Variants in CBX1 observed in about 807,000 individuals in gnomAD.
The protein encoded by CBX1 is chromobox 1.
In CBX1, 10 loss-of-function variants were observed where a neutral mutation model predicts 25.1. The observed-to-expected ratio is 0.40, with a 90% CI of 0.25 to 0.68. CBX1 has a LOEUF of 0.68. CBX1 is among the 30% of genes least tolerant of loss of function. The pLI, the probability that CBX1 is intolerant of heterozygous loss-of-function variation, is 0.40. For missense variants in CBX1, 106 were observed against 218.5 expected (o/e 0.49, Z 3.25); for synonymous variants, 63 against 79.4 (o/e 0.79, Z 1.10).
chr17:48,092,931 G>T (rs931828036), intron 1 of CBX1, among the ~76,000 whole-genome samples: 5 of 152,036 alleles, frequency 3.3e-5, no homozygotes, highest in African/African-American at 9.6e-5. Flanking sequence ...TGAGCCGGAC[G>T]TGGTGGCGCA....
At chr17:48,075,471 G>GT (rs1307832065) in intron 3 of CBX1, among the ~76,000 whole-genome samples, 1 of 152,178 alleles carries the variant, frequency 6.6e-6, no homozygotes. Flanking sequence ...GGGATTACAG[G>GT]TGTGAGCCAC....
intron 1 of CBX1, among the ~76,000 whole-genome samples, chr17:48,096,805 A>G (rs1297676083): frequency 1.3e-5 from 2 of 151,878 alleles, no homozygotes; most frequent in African/African-American, 4.8e-5. Flanking sequence ...AAAAACCACC[A>G]CAGTGGGCCA....
chr17:48,075,444 C>T (rs750614453), intron 3 of CBX1, among the ~76,000 whole-genome samples: 17 of 152,156 alleles, frequency 1.1e-4, no homozygotes, highest in Non-Finnish European at 2.4e-4. Context: ...CCGCCCGCCT[C>T]GGCCTCCCAA....
intron 1 of CBX1, among the ~76,000 whole-genome samples, chr17:48,078,545 A>G (rs1598305596): frequency 6.6e-6 from 1 of 151,694 alleles, no homozygotes; most frequent in African/African-American, 2.4e-5. Flanking sequence ...GCTGGAGTGC[A>G]ATGGTGTGAT....
intron 1 of CBX1, chr17:48,096,312 A>C: frequency 1.0e-6 from 1 of 983,016 alleles, no homozygotes; most frequent in Non-Finnish European, 1.2e-6. Context: ...GAGTATGTTG[A>C]CATGGATATT....
intron 1 of CBX1, 70 bp downstream of exon 1, chr17:48,101,198 C>G: frequency 3.0e-6 from 3 of 989,962 alleles, no homozygotes; most frequent in Non-Finnish European, 3.6e-6. Context: ...CGTTCCCTCA[C>G]GCAGGGCTCC....
intron 1 of CBX1, among the ~76,000 whole-genome samples, chr17:48,100,369 T>C (rs1007051551): frequency 2.0e-5 from 3 of 152,128 alleles, no homozygotes; most frequent in Non-Finnish European, 4.4e-5. Flanking sequence ...TTCATCACCT[T>C]TGTGAGACCA....
chr17:48,095,940 GTGCAATCTCGGCTCCC>G (rs2063372733), intron 1 of CBX1: 1 of 152,294 alleles, frequency 6.6e-6, no homozygotes, highest in Non-Finnish European at 1.5e-5. Flanking sequence ...GAGTACAGTG[GTGCAATCTCGGCTCCC>G]TGCAACCTCC....
rs547449598 is a variant in CBX1 at position 48,078,632 on chromosome 17, G to A, written c.-37-1591C>T. The stretch of plus-strand genomic sequence containing the variant: ...CACCTCCCGAGTAGTTGGTTTTACA[G>A]GTGCCCGCCATTACGCCTGGCTAAT... On this transcript the variant is annotated intron_variant, in intron 1 of 4. Transcript: ENST00000225603. Among the ~76,000 whole-genome samples the A allele has an allele frequency of 1.3e-3, 192 of 151,658 alleles. 3 individuals carry two copies. Among genetic ancestry groups the A allele is most frequent in the South Asian group, 0.011 (53 of 4,778 alleles).
intron 4 of CBX1, among the ~76,000 whole-genome samples, chr17:48,072,302 C>T (rs1347497403): frequency 1.3e-5 from 2 of 152,092 alleles, no homozygotes; most frequent in African/African-American, 2.4e-5. Context: ...TGAGCCACCT[C>T]GCCCGGCCCG....
chr17:48,074,345 G>A (rs955887809), intron 4 of CBX1, among the ~76,000 whole-genome samples: 1 of 152,204 alleles, frequency 6.6e-6, no homozygotes, highest in Non-Finnish European at 1.5e-5. Context: ...TGGGGAGAAT[G>A]AGCAAGAAAT....
At chr17:48,083,059 T>C (rs1206863014) in intron 1 of CBX1, among the ~76,000 whole-genome samples, 1 of 148,964 alleles carries the variant, frequency 6.7e-6, no homozygotes, top group Non-Finnish European at 1.5e-5. Flanking sequence ...AGAGACAGAG[T>C]TTCTCCATGT....
chr17:48,074,546 GTAGAATC>G (rs1438332382), intron 4 of CBX1, among the ~76,000 whole-genome samples: 3 of 152,160 alleles, frequency 2.0e-5, no homozygotes, highest in Non-Finnish European at 4.4e-5. Flanking sequence ...TCCTGTAATT[GTAGAATC>G]TGCACAAATT....
chr17:48,077,447 T>G (rs2037687639), intron 1 of CBX1, among the ~76,000 whole-genome samples: 1 of 119,304 alleles, frequency 8.4e-6, no homozygotes, highest in Non-Finnish European at 1.9e-5. Flanking sequence ...TTTTTTTTGT[T>G]TTTTTTGTTT....
intron 1 of CBX1, among the ~76,000 whole-genome samples, chr17:48,083,256 C>T (rs1002228154): frequency 6.7e-5 from 10 of 149,600 alleles, no homozygotes; most frequent in South Asian, 2.1e-4. Flanking sequence ...GTGATCCTCC[C>T]GCCTCAGCCT....
chr17:48,091,983 CTTTTTTTTTT>C (rs56277117), intron 1 of CBX1, among the ~76,000 whole-genome samples: 1,371 of 63,048 alleles, frequency 0.022, 37 homozygotes, highest in African/African-American at 0.087. Flanking sequence ...CCAGCCAGAT[CTTTTTTTTTT>C]TTTTTTTTTT....
chr17:48,073,758 C>T (rs1273508373), intron 4 of CBX1, among the ~76,000 whole-genome samples: 4 of 137,148 alleles, frequency 2.9e-5, no homozygotes, highest in Admixed American at 2.4e-4. Context: ...CCCGGAGGGG[C>T]GGAGGTTGCA....
chr17:48,075,605 C>G (rs546941127), intron 3 of CBX1, among the ~76,000 whole-genome samples: 9 of 152,282 alleles, frequency 5.9e-5, no homozygotes, highest in African/African-American at 2.2e-4. Context: ...GAGATTTTCC[C>G]TATGTGAAAA....
At chr17:48,082,930 G>A (rs1367569507) in intron 1 of CBX1, among the ~76,000 whole-genome samples, 1 of 145,382 alleles carries the variant, frequency 6.9e-6, no homozygotes, top group East Asian at 2.0e-4. Flanking sequence ...GCAACAACGC[G>A]ATCTCAGCTC....
Sources: allele counts gnomAD v4.1 joint callset (sites outside exome capture counted in the v4.1 genomes callset), GRCh38; gene constraint gnomAD v4.1.1; transcripts MANE v1.5; gene names NCBI Gene and HGNC (gene_info 2026-07-23, HGNC 2026-07-21).